The following TTC7B variants were observed in gnomAD, a reference collection of about 807,000 sequenced individuals.
TTC7B encodes the protein tetratricopeptide repeat domain 7B, also known as tetratricopeptide repeat protein 7B.
In TTC7B, 28 loss-of-function variants were observed where a neutral mutation model predicts 106.8. The observed-to-expected ratio is 0.26, with a 90% confidence interval of 0.19 to 0.36. TTC7B has a LOEUF of 0.36. Ranked by LOEUF, TTC7B falls within the 10% of genes least tolerant of loss-of-function variation. The probability of loss-of-function intolerance (pLI) is 1.00; values close to 1 mark genes in which losing one functional copy is unlikely to be tolerated. For synonymous variants in TTC7B, 405 were observed against 430.6 expected (o/e 0.94, Z 0.74); for missense variants, 862 against 1,076.4 (o/e 0.80, Z 2.79).
At chr14:90,615,916 C>T (rs1162202806) in intron 16 of TTC7B, among the ~76,000 whole-genome samples, 2 of 152,294 alleles carry the variant, frequency 1.3e-5, no homozygotes, top group African/African-American at 4.8e-5. Flanking sequence ...CAGTCCCCAC[C>T]AGACACTGCC....
chr14:90,579,282 C>T (rs376847960), intron 18 of TTC7B, among the ~76,000 whole-genome samples: 9 of 152,346 alleles, frequency 5.9e-5, no homozygotes, highest in African/African-American at 1.4e-4. Context: ...CAGAGCCTCA[C>T]GCAGAGGCCG....
chr14:90,776,038 G>A (rs770995956), intron 3 of TTC7B, among the ~76,000 whole-genome samples: 13 of 151,856 alleles, frequency 8.6e-5, no homozygotes, highest in Non-Finnish European at 1.9e-4. Flanking sequence ...TTTCCTCTGT[G>A]TATGCAGAAA....
intron 3 of TTC7B, among the ~76,000 whole-genome samples, chr14:90,779,150 A>G (rs1891128204): frequency 6.6e-6 from 1 of 152,192 alleles, no homozygotes; most frequent in Non-Finnish European, 1.5e-5. Flanking sequence ...CAGATAGTCC[A>G]CTTCTTGCCA....
intron 5 of TTC7B, among the ~76,000 whole-genome samples, chr14:90,720,289 G>A (rs1469255546): frequency 6.6e-6 from 1 of 152,062 alleles, no homozygotes; most frequent in African/African-American, 2.4e-5. Context: ...ATTTTAAAAT[G>A]GACTCTCAGA....
rs754415730 is a variant in TTC7B at position 90,617,997 on chromosome 14, G to T, written c.1800C>A (p.Asp600Glu). Residue 600 changes from aspartate (D) to glutamate (E), a missense_variant, in exon 16 of 20, where the codon GAC becomes GAA. Physicochemically the swap from Asp to Glu is conservative, Grantham distance 45. Transcript: ENST00000328459. ...TGTGCTTACAAGTCAGCAGTGCCTC[G>T]TCCGGGCCTCGGCAGAGTGACTGCA... ...VKLQSLCRGP[D>E]EALLTCKHML... 11 of 1,613,818 alleles carry T rather than the reference G, an allele frequency of 6.8e-6. No individual in the cohort carries two copies. In the South Asian group the frequency reaches 1.2e-4, roughly 18 times the overall value.
chr14:90,593,968 C>T (rs973685085), intron 17 of TTC7B: 4 of 174,182 alleles, frequency 2.3e-5, no homozygotes, highest in East Asian at 1.5e-4. Flanking sequence ...CATTACAAAG[C>T]GCCCCTGTAA....
intron 1 of TTC7B, among the ~76,000 whole-genome samples, chr14:90,803,779 G>A (rs1595050117): frequency 1.3e-5 from 2 of 151,096 alleles, no homozygotes; most frequent in South Asian, 2.1e-4. Flanking sequence ...CAATCCTTCC[G>A]CTACACTGGC....
At chr14:90,734,588 G>A (rs945523843) in intron 4 of TTC7B, among the ~76,000 whole-genome samples, 9 of 151,958 alleles carry the variant, frequency 5.9e-5, no homozygotes, top group Admixed American at 2.6e-4. Flanking sequence ...TGCCATCCTC[G>A]ACACTGCTAT....
intron 5 of TTC7B, 84 bp from the exon 6 acceptor site, chr14:90,695,662 C>T (rs1887717341): frequency 3.6e-6 from 3 of 837,684 alleles, no homozygotes. Context: ...TGCATTTTGT[C>T]TGCATAAAAG....
At chr14:90,638,968 A>T (rs1427306831) in intron 15 of TTC7B, among the ~76,000 whole-genome samples, 1 of 152,240 alleles carries the variant, frequency 6.6e-6, no homozygotes, top group African/African-American at 2.4e-5. Context: ...GAATCTTTTC[A>T]GCGTTTGATG....
chr14:90,701,585 GT>G, intron 5 of TTC7B, among the ~76,000 whole-genome samples: 1 of 152,030 alleles, frequency 6.6e-6, no homozygotes, highest in Admixed American at 6.5e-5. Context: ...TAAGCTCCGA[GT>G]CTCTGAGAAA....
chr14:90,655,143 A>G, intron 11 of TTC7B, 33 bp from the exon 12 acceptor site: 1 of 1,517,100 alleles, frequency 6.6e-7, no homozygotes, highest in Non-Finnish European at 9.2e-7. Context: ...AACAACAACA[A>G]CCTGCAGAAT....
At chr14:90,677,905 T>TA (rs1207760091) in intron 8 of TTC7B, 2 of 435,520 alleles carry the variant, frequency 4.6e-6, no homozygotes, top group African/African-American at 4.1e-5. Context: ...AGTCATCTCT[T>TA]ACGGAAACAA....
chr14:90,729,603 TA>T (rs1223492987), intron 5 of TTC7B, among the ~76,000 whole-genome samples: 1 of 152,220 alleles, frequency 6.6e-6, no homozygotes, highest in Non-Finnish European at 1.5e-5. Flanking sequence ...CAACCTTTCT[TA>T]AAAGCCTTTT....
Position 90,541,485 on chromosome 14 carries a change from G to T in TTC7B, c.2415C>A (p.Gly805=), listed in dbSNP as rs754138337. Residue 805 remains glycine, a synonymous_variant, in exon 20 of 20, where the codon GGC becomes GGA. Transcript: ENST00000328459. The stretch of plus-strand genomic sequence containing the variant: ...CGTTGCCCTGAGCTTGGAGGACCTC[G>T]CCCAGCCCGTTCCAGACCTCGTGGG... The part of the protein sequence containing the change: ...STAHEVWNGL[G]EVLQAQGNDA... 1.9e-5 allele frequency: 30 copies of T among 1,613,928 alleles called. No individual in the cohort carries two copies. The highest frequency in any genetic ancestry group is 2.5e-5 in the Non-Finnish European group (29 of 1,179,992).
At chr14:90,747,674 C>T (rs1890011158) in intron 3 of TTC7B, among the ~76,000 whole-genome samples, 1 of 152,166 alleles carries the variant, frequency 6.6e-6, no homozygotes, top group African/African-American at 2.4e-5. Flanking sequence ...GCATCTATAT[C>T]CTTACCAATC....
intron 19 of TTC7B, among the ~76,000 whole-genome samples, chr14:90,560,550 C>T (rs1390235729): frequency 6.6e-6 from 1 of 152,228 alleles, no homozygotes; most frequent in Non-Finnish European, 1.5e-5. Context: ...AAAGGAGATA[C>T]ATTTTCTTCT....
chr14:90,777,778 CT>C (rs1242967593), intron 3 of TTC7B, among the ~76,000 whole-genome samples: 3 of 152,230 alleles, frequency 2.0e-5, no homozygotes, highest in African/African-American at 7.2e-5. Flanking sequence ...AGGCCTGTCT[CT>C]GGGCATCTCC....
intron 15 of TTC7B, among the ~76,000 whole-genome samples, chr14:90,628,146 A>G (rs1442567610): frequency 6.6e-6 from 1 of 152,250 alleles, no homozygotes; most frequent in Non-Finnish European, 1.5e-5. Context: ...AATGAATTGA[A>G]CAAGTGCCTC....
Sources: gnomAD v4.1 joint callset for allele counts (sites outside exome capture counted in the v4.1 genomes callset) on GRCh38, gnomAD v4.1.1 for gene constraint, MANE v1.5 for transcripts, NCBI Gene and HGNC (gene_info 2026-07-23, HGNC 2026-07-21) for gene names.